The following HECA variants were observed in gnomAD, a reference collection of about 807,000 sequenced individuals.
HECA encodes headcase protein homolog.
A neutral mutation model predicts 37.6 loss-of-function variants in HECA; 13 were observed. The ratio of observed to expected loss-of-function variants is 0.35; its 90% CI spans 0.23 to 0.55. The LOEUF (loss-of-function observed/expected upper bound fraction) is 0.55. Among genes scored for constraint, HECA ranks in the 20% least tolerant of loss-of-function variants. The probability of loss-of-function intolerance (pLI) is 0.90; values close to 1 mark genes in which losing one functional copy is unlikely to be tolerated. For missense variants in HECA, 527 were observed against 701.9 expected, an observed-to-expected ratio of 0.75 and a Z score of 2.82; for synonymous variants, 307 against 291.5, an observed-to-expected ratio of 1.05 and a Z score of -0.54.
intron 1 of HECA, among the ~76,000 whole-genome samples, chr6:139,158,683 A>G (rs911233455): frequency 6.6e-6 from 1 of 151,712 alleles, no homozygotes; most frequent in South Asian, 2.1e-4. Context: ...AAAAAAAAAA[A>G]AAAAGAAAAA....
At chr6:139,170,525 G>C (rs1037893854) in intron 2 of HECA, 1 of 152,160 alleles carries the variant, frequency 6.6e-6, no homozygotes, top group African/African-American at 2.4e-5. Context: ...TAAGCAGAGG[G>C]TCTACCCAGG....
At chr6:139,170,818 GGAAAGGGGTTT>G (rs1304258388) in intron 2 of HECA, among the ~76,000 whole-genome samples, 1 of 152,172 alleles carries the variant, frequency 6.6e-6, no homozygotes, top group African/African-American at 2.4e-5. Flanking sequence ...GAAAGGTGCG[GGAAAGGGGTTT>G]GAAAGGGGTG....
At chr6:139,148,323 A>C (rs922008436) in intron 1 of HECA, among the ~76,000 whole-genome samples, 2 of 152,236 alleles carry the variant, frequency 1.3e-5, no homozygotes, top group African/African-American at 4.8e-5. Context: ...GTGTGAGGAA[A>C]GTTGTGAAAT....
intron 1 of HECA, among the ~76,000 whole-genome samples, chr6:139,141,513 A>G (rs4896436): frequency 0.71 from 107,983 of 152,070 alleles, 39,583 homozygotes; most frequent in African/African-American, 0.86. Flanking sequence ...TCATGTGTTA[A>G]TTTGTTTCTG....
intron 1 of HECA, 85 bp from the exon 2 acceptor site, chr6:139,166,199 A>G (rs1175999406): frequency 9.2e-7 from 1 of 1,087,464 alleles, no homozygotes; most frequent in Non-Finnish European, 1.3e-6. Flanking sequence ...TCTTAGAAAA[A>G]CCTTATACCA....
chr6:139,156,217 T>A (rs76755161), intron 1 of HECA, among the ~76,000 whole-genome samples: 3 of 152,114 alleles, frequency 2.0e-5, no homozygotes, highest in African/African-American at 4.8e-5. Flanking sequence ...CTTTTTTTTT[T>A]CTTTGACAGG....
intron 2 of HECA, among the ~76,000 whole-genome samples, chr6:139,168,381 C>T (rs948112175): frequency 6.7e-6 from 1 of 149,324 alleles, no homozygotes; most frequent in African/African-American, 2.5e-5. Context: ...GTCTAGGACT[C>T]CTTTTGTTTT....
At chr6:139,160,445 T>C (rs545817910) in intron 1 of HECA, among the ~76,000 whole-genome samples, 98 of 152,342 alleles carry the variant, frequency 6.4e-4, no homozygotes, top group African/African-American at 2.2e-3. Context: ...ACTGCTGTTC[T>C]GTTTTTAGTT....
intron 2 of HECA, among the ~76,000 whole-genome samples, chr6:139,168,375 A>G (rs1199402457): frequency 6.6e-6 from 1 of 151,264 alleles, no homozygotes; most frequent in African/African-American, 2.4e-5. Flanking sequence ...CATATAGTCT[A>G]GGACTCCTTT....
Position 139,166,836 on chromosome 6 carries a change from C to T in HECA, c.824C>T (p.Thr275Met), listed in dbSNP as rs548239720. The T allele has an allele frequency of 3.7e-6, 6 of 1,613,756 alleles. No homozygotes were observed. Among genetic ancestry groups the T allele is most frequent in the African/African-American group, 1.3e-5 (1 of 75,056 alleles). ...GGCTCCCCGGGCCAGTCCCCACCCACGGGCTACTCCATCCTCTCTCCTGCC... is the reference window on the plus strand; with the variant it reads ...GGCTCCCCGGGCCAGTCCCCACCCATGGGCTACTCCATCCTCTCTCCTGCC... ...PGGSPGQSPP[T>M]GYSILSPAHF... The change falls in exon 2 of 4, where the codon ACG becomes ATG. Residue 275 changes from threonine (T) to methionine (M), a missense_variant. Around this residue, in one of 4 missense-constraint regions of HECA, gnomAD observed 228 missense variants for 259.8 expected, o/e 0.88. Transcript: ENST00000367658.
chr6:139,157,477 C>T (rs188143203), intron 1 of HECA, among the ~76,000 whole-genome samples: 1 of 152,338 alleles, frequency 6.6e-6, no homozygotes, highest in African/African-American at 2.4e-5. Flanking sequence ...CTGAGAAGAA[C>T]ATCTTCATGG....
In HECA at chr6:139,135,331, A is replaced by C; in HGVS notation, c.-66A>C. 1 of 1,200,780 alleles carries C rather than the reference A, an allele frequency of 8.3e-7. No homozygotes were observed. 74.4% of individuals were successfully genotyped at this position (1,200,780 alleles called of 1,614,324 possible). A position where few individuals can be genotyped will look rare whatever the true frequency, so the allele number is the denominator to read the frequency against. On this transcript the variant is annotated 5_prime_UTR_variant, in exon 1 of 4. Transcript: ENST00000367658. Reference sequence around the variant, plus strand: ...GGAGCCGGCTTCACGCAGGGCCGGGAACGGCCGTGCCTCTGGGATCCGCCT... The same window carrying C: ...GGAGCCGGCTTCACGCAGGGCCGGGCACGGCCGTGCCTCTGGGATCCGCCT...
rs749348843 is a variant in HECA at position 139,135,717 on chromosome 6, G to A, written c.271+50G>A. The A allele has an allele frequency of 4.1e-3, 3,653 of 890,052 alleles. 7 individuals carry two copies. Among genetic ancestry groups the A allele is most frequent in the Middle Eastern group, 0.012 (22 of 1,764 alleles). The allele number at this position is 890,052 out of a possible 1,614,324, so 55.1% of individuals were successfully genotyped here. On this transcript the variant is annotated intron_variant, in intron 1 of 3. Coordinates refer to ENST00000367658, the MANE Select transcript of HECA (RefSeq NM_016217.3). Reference sequence around the variant, plus strand: ...CGCCAACTTCCTCCCCGACGGGGACGGCGCGGTGGCGGGGCCCTGGGTGGC... The same window carrying A: ...CGCCAACTTCCTCCCCGACGGGGACAGCGCGGTGGCGGGGCCCTGGGTGGC...
At chr6:139,151,509 C>G (rs558658785) in intron 1 of HECA, among the ~76,000 whole-genome samples, 12 of 152,306 alleles carry the variant, frequency 7.9e-5, no homozygotes, top group Middle Eastern at 3.4e-3. Context: ...ATTTGATATT[C>G]TCCATACTGA....
At position 139,179,290 on chromosome 6, in the gene HECA, TTAACCCACC is replaced by T. The variant is rs1431287331; in HGVS notation, c.*2189_*2197del. The T allele has an allele frequency of 2.6e-5, 4 of 152,234 alleles. No homozygotes were observed. The highest frequency in any genetic ancestry group is 4.8e-5 in the African/African-American group (2 of 41,456). 9.4% of individuals were successfully genotyped at this position (152,234 alleles called of 1,614,324 possible). Reference sequence around the variant, plus strand: ...AGTAAAATATTTATGATGCTGATCTTTAACCCACCTAAAATTTTATAGTGAAACCTGCTT... The same window carrying T: ...AGTAAAATATTTATGATGCTGATCTTTAAAATTTTATAGTGAAACCTGCTT... On this transcript the variant is annotated 3_prime_UTR_variant, in exon 4 of 4. Coordinates refer to ENST00000367658, the MANE Select transcript of HECA (RefSeq NM_016217.3).
chr6:139,178,388 A>G lies in HECA; in HGVS notation c.*1283A>G, dbSNP rs181003522. 9 of 152,272 alleles carry G rather than the reference A, an allele frequency of 5.9e-5. No homozygotes were observed. Among genetic ancestry groups the G allele is most frequent in the Admixed American group, 2.0e-4 (3 of 15,296 alleles). 9.4% of individuals were successfully genotyped at this position (152,272 alleles called of 1,614,324 possible). A position where few individuals can be genotyped will look rare whatever the true frequency, so the allele number is the denominator to read the frequency against. On this transcript the variant is annotated 3_prime_UTR_variant, in exon 4 of 4. Coordinates refer to ENST00000367658, the MANE Select transcript of HECA (RefSeq NM_016217.3). The stretch of plus-strand genomic sequence containing the variant: ...ATATGATTTCTCAAAAATTAATTTG[A>G]TAATTTCATGTATGATGTGCATATA...
Position 139,135,586 on chromosome 6 carries a change from G to GCGGCGGGCGCGC in HECA, c.193_194insCGGGCGCGCCGG (p.Ala64_Gly65insAlaGlyAlaPro), listed in dbSNP as rs1479389773. 2 of 945,736 alleles carry GCGGCGGGCGCGC rather than the reference G, an allele frequency of 2.1e-6. No individual in the cohort carries two copies. Among genetic ancestry groups the GCGGCGGGCGCGC allele is most frequent in the African/African-American group, 3.6e-5 (2 of 55,422 alleles). 58.6% of individuals were successfully genotyped at this position (945,736 alleles called of 1,614,324 possible). A position where few individuals can be genotyped will look rare whatever the true frequency, so the allele number is the denominator to read the frequency against. On this transcript the variant is annotated inframe_insertion, in exon 1 of 4. Transcript: ENST00000367658. ...GGGCGCGCCGGGCGCCGGAGGCGCG[G>GCGGCGGGCGCGC]CGGGCGCCGGAGGCGCGGGGACTGG...
chr6:139,157,053 G>A (rs1277415487), intron 1 of HECA, among the ~76,000 whole-genome samples: 1 of 152,176 alleles, frequency 6.6e-6, no homozygotes. Context: ...CAGCCCCAAG[G>A]GCTGCTGGTT....
intron 1 of HECA, among the ~76,000 whole-genome samples, chr6:139,144,868 T>C (rs1329415242): frequency 6.6e-6 from 1 of 152,126 alleles, no homozygotes; most frequent in Non-Finnish European, 1.5e-5. Context: ...GGAAAGCCTA[T>C]CTTAATTGTG....
Sources: allele counts gnomAD v4.1 joint callset (sites outside exome capture counted in the v4.1 genomes callset), GRCh38; gene constraint gnomAD v4.1.1; regional missense constraint gnomAD v4.1.1; transcripts MANE v1.5; gene names NCBI Gene and HGNC (gene_info 2026-07-23, HGNC 2026-07-21).